Variants in TMEM132C observed in about 807,000 individuals in gnomAD.
TMEM132C encodes transmembrane protein 132C.
A neutral mutation model predicts 61.4 loss-of-function variants in TMEM132C; 29 were observed. The observed-to-expected ratio is 0.47, with a 90% confidence interval of 0.35 to 0.64. TMEM132C has a LOEUF of 0.64. Among genes scored for constraint, TMEM132C ranks in the 30% least tolerant of loss-of-function variants. The probability of loss-of-function intolerance (pLI) is 0.00; values close to 1 mark genes in which losing one functional copy is unlikely to be tolerated. For missense variants in TMEM132C, 1,408 were observed against 1,476.9 expected (o/e 0.95, Z 0.76); for synonymous variants, 656 against 633.1 (o/e 1.04, Z -0.54).
At chr12:128,454,603 G>A (rs1231379123) in intron 2 of TMEM132C, among the ~76,000 whole-genome samples, 4 of 152,214 alleles carry the variant, frequency 2.6e-5, no homozygotes, top group Non-Finnish European at 4.4e-5. Flanking sequence ...GGTGTTCGCC[G>A]GGGCTGAAGT....
chr12:128,479,091 A>G (rs1443269974), intron 2 of TMEM132C, among the ~76,000 whole-genome samples: 2 of 152,332 alleles, frequency 1.3e-5, no homozygotes, highest in South Asian at 2.1e-4. Flanking sequence ...GGAGCCCATC[A>G]TCCTTAGCAA....
intron 1 of TMEM132C, among the ~76,000 whole-genome samples, chr12:128,314,455 A>G (rs981534868): frequency 6.6e-6 from 1 of 152,190 alleles, no homozygotes; most frequent in Non-Finnish European, 1.5e-5. Context: ...ACCATCTGGC[A>G]TCCGGATAGT....
intron 4 of TMEM132C, among the ~76,000 whole-genome samples, chr12:128,623,067 G>C (rs2135588872): frequency 6.6e-6 from 1 of 152,286 alleles, no homozygotes; most frequent in South Asian, 2.1e-4. Flanking sequence ...TGCCTAAAAA[G>C]TAAATCTCTG....
intron 2 of TMEM132C, among the ~76,000 whole-genome samples, chr12:128,478,212 C>T (rs1020155371): frequency 3.3e-5 from 5 of 152,226 alleles, no homozygotes; most frequent in African/African-American, 9.6e-5. Flanking sequence ...AATGAATGCT[C>T]ATTCGAGATG....
chr12:128,425,252 G>A (rs370337902), intron 2 of TMEM132C, among the ~76,000 whole-genome samples: 21 of 152,328 alleles, frequency 1.4e-4, no homozygotes, highest in East Asian at 3.9e-4. Context: ...CCTGCACACC[G>A]CGGCCAGCCT....
intron 2 of TMEM132C, among the ~76,000 whole-genome samples, chr12:128,463,395 T>C (rs1390473050): frequency 6.6e-6 from 1 of 152,148 alleles, no homozygotes; most frequent in East Asian, 1.9e-4. Flanking sequence ...CTCAGCTCAC[T>C]GCTACCTCCG....
At chr12:128,340,050 C>A (rs1180365091) in intron 1 of TMEM132C, among the ~76,000 whole-genome samples, 2 of 152,182 alleles carry the variant, frequency 1.3e-5, no homozygotes, top group African/African-American at 4.8e-5. Flanking sequence ...GCTTCTATGT[C>A]CCTTCCCATA....
In TMEM132C at chr12:128,415,014, A is replaced by G. The variant is rs757809537; in HGVS notation, c.368A>G (p.Asn123Ser). Residue 123 changes from asparagine (N) to serine (S), a missense_variant, in exon 2 of 9, where the codon AAT becomes AGT. Transcript: ENST00000435159. The surrounding 1 kb of genome is among the most constrained non-coding windows in gnomAD (Gnocchi z 5.8). The stretch of plus-strand genomic sequence containing the variant: ...ACTTCAAACTTTTTAGGTCCAACCA[A>G]TAAGTTTAGTTTTGATTGGAAACTA... ...MLTSNFLGPT[N>S]KFSFDWKLKA... 1.2e-5 allele frequency: 18 copies of G among 1,557,146 alleles called. No homozygotes were observed. Among genetic ancestry groups the G allele is most frequent in the East Asian group, 9.7e-5 (4 of 41,346 alleles).
intron 2 of TMEM132C, among the ~76,000 whole-genome samples, chr12:128,487,870 G>T (rs1173242736): frequency 6.6e-6 from 1 of 152,008 alleles, no homozygotes; most frequent in Non-Finnish European, 1.5e-5. Context: ...TCATTCTCTA[G>T]ATCTGCACTG....
intron 1 of TMEM132C, among the ~76,000 whole-genome samples, chr12:128,403,191 T>C (rs1166940344): frequency 6.6e-6 from 1 of 152,188 alleles, no homozygotes; most frequent in Non-Finnish European, 1.5e-5. Flanking sequence ...GAGAGAGACA[T>C]TCTGTGTCTG....
chr12:128,293,618 A>T (rs1279792258), intron 1 of TMEM132C, among the ~76,000 whole-genome samples: 1 of 151,996 alleles, frequency 6.6e-6, no homozygotes, highest in Non-Finnish European at 1.5e-5. Context: ...TTAGGGGAAA[A>T]ACAGCCTCTC....
intron 2 of TMEM132C, among the ~76,000 whole-genome samples, chr12:128,533,606 A>G (rs903844790): frequency 6.6e-6 from 1 of 152,014 alleles, no homozygotes; most frequent in Non-Finnish European, 1.5e-5. Context: ...TCTGGTGTCT[A>G]TCTCCAAATT....
intron 2 of TMEM132C, among the ~76,000 whole-genome samples, chr12:128,474,655 G>T (rs758018434): frequency 1.3e-5 from 2 of 152,200 alleles, no homozygotes; most frequent in African/African-American, 4.8e-5. Flanking sequence ...CATTGAAGTG[G>T]AGAAAATTCT....
At chr12:128,341,613 T>C (rs1010504374) in intron 1 of TMEM132C, among the ~76,000 whole-genome samples, 4 of 152,136 alleles carry the variant, frequency 2.6e-5, no homozygotes, top group Admixed American at 6.6e-5. Context: ...TAAATGGGCA[T>C]GAGTGTGCAG....
intron 1 of TMEM132C, among the ~76,000 whole-genome samples, chr12:128,292,498 A>T (rs773388480): frequency 6.6e-5 from 10 of 152,094 alleles, no homozygotes; most frequent in Admixed American, 5.2e-4. Flanking sequence ...TGTTGCCAGT[A>T]CTGAAACCCT....
intron 4 of TMEM132C, among the ~76,000 whole-genome samples, chr12:128,668,081 T>C (rs1954497034): frequency 6.6e-6 from 1 of 152,154 alleles, no homozygotes; most frequent in Non-Finnish European, 1.5e-5. Context: ...AAGACCAGCC[T>C]GGACAACATA....
At chr12:128,343,136 C>T (rs771245687) in intron 1 of TMEM132C, among the ~76,000 whole-genome samples, 3 of 151,944 alleles carry the variant, frequency 2.0e-5, no homozygotes, top group Admixed American at 6.6e-5. Flanking sequence ...GGAGTTAAAA[C>T]GAGCTGTGGC....
chr12:128,655,407 G>A (rs1178821462), intron 4 of TMEM132C, among the ~76,000 whole-genome samples: 2 of 152,062 alleles, frequency 1.3e-5, no homozygotes, highest in African/African-American at 4.8e-5. Context: ...GTAAATCACT[G>A]GTTGCACCTA....
intron 2 of TMEM132C, among the ~76,000 whole-genome samples, chr12:128,450,311 A>C (rs1593057984): frequency 1.3e-5 from 2 of 152,226 alleles, no homozygotes; most frequent in Admixed American, 1.3e-4. Flanking sequence ...TGAACTCCTG[A>C]CTTCTGGGTG....
Sources: allele counts gnomAD v4.1 joint callset (sites outside exome capture counted in the v4.1 genomes callset), GRCh38; gene constraint gnomAD v4.1.1; non-coding constraint Gnocchi (gnomAD v3.1); transcripts MANE v1.5; gene names NCBI Gene and HGNC (gene_info 2026-07-23, HGNC 2026-07-21).